Variants in NR2F1-AS1 observed in about 807,000 individuals in gnomAD.
NR2F1-AS1 encodes the protein NR2F1 regulatory antisense RNA 1, also known as NR2F1 antisense RNA 1.
chr5:93,540,697 G>A (rs1751932270), intron 4 of NR2F1-AS1, among the ~76,000 whole-genome samples: 1 of 152,118 alleles, frequency 6.6e-6, no homozygotes, highest in African/African-American at 2.4e-5. Flanking sequence ...TCCTAGAAAT[G>A]TGCAAGCCAA....
intron 4 of NR2F1-AS1, among the ~76,000 whole-genome samples, chr5:93,487,166 A>C (rs1363239907): frequency 1.3e-5 from 2 of 152,218 alleles, no homozygotes; most frequent in Non-Finnish European, 2.9e-5. Flanking sequence ...AGCTGGAAGC[A>C]TTCCCTTGGA....
chr5:93,490,487 G>T (rs1463323411), intron 4 of NR2F1-AS1, among the ~76,000 whole-genome samples: 1 of 151,530 alleles, frequency 6.6e-6, no homozygotes, highest in Non-Finnish European at 1.5e-5. Context: ...GGCGGTGGCA[G>T]TGGTGGTGGT....
chr5:93,512,452 T>G (rs1751318115), intron 4 of NR2F1-AS1, among the ~76,000 whole-genome samples: 1 of 152,194 alleles, frequency 6.6e-6, no homozygotes, highest in South Asian at 2.1e-4. Context: ...TTTATCAACT[T>G]TATTTAAAGT....
At chr5:93,490,747 G>A (rs974292716) in intron 4 of NR2F1-AS1, among the ~76,000 whole-genome samples, 2 of 151,402 alleles carry the variant, frequency 1.3e-5, no homozygotes, top group Non-Finnish European at 2.9e-5. Context: ...GGCATTGATG[G>A]TGGTTGTAGT....
At chr5:93,509,890 C>G (rs1751261495) in intron 4 of NR2F1-AS1, among the ~76,000 whole-genome samples, 1 of 151,268 alleles carries the variant, frequency 6.6e-6, no homozygotes, top group African/African-American at 2.4e-5. Context: ...GAGCTAAACC[C>G]AAGAGATCAA....
At chr5:93,448,782 A>G (rs1348242677) in intron 4 of NR2F1-AS1, among the ~76,000 whole-genome samples, 4 of 152,172 alleles carry the variant, frequency 2.6e-5, no homozygotes, top group African/African-American at 9.7e-5. Context: ...TGAGGTCTTC[A>G]GTTGACAGGC....
At chr5:93,515,875 T>G (rs1751391379) in intron 4 of NR2F1-AS1, among the ~76,000 whole-genome samples, 9 of 151,876 alleles carry the variant, frequency 5.9e-5, no homozygotes, top group Admixed American at 5.3e-4. Context: ...GGTAATAAAC[T>G]GAAAACAGAG....
chr5:93,526,642 T>A (rs1380071292), intron 4 of NR2F1-AS1, among the ~76,000 whole-genome samples: 1 of 152,188 alleles, frequency 6.6e-6, no homozygotes, highest in Non-Finnish European at 1.5e-5. Flanking sequence ...AAAAAGCTTA[T>A]CTACCACAAT....
chr5:93,418,761 T>TCACTTC (rs1749024926), intron 4 of NR2F1-AS1, among the ~76,000 whole-genome samples: 1 of 152,164 alleles, frequency 6.6e-6, no homozygotes, highest in Non-Finnish European at 1.5e-5. Flanking sequence ...CCTTTCACTT[T>TCACTTC]CACTTCCAAC....
chr5:93,491,273 C>A (rs1047720464), intron 4 of NR2F1-AS1, among the ~76,000 whole-genome samples: 1 of 142,394 alleles, frequency 7.0e-6, no homozygotes. Flanking sequence ...TGGTGGTGGT[C>A]ATGGTGGTGA....
At chr5:93,412,966 C>T (rs999405534) in intron 4 of NR2F1-AS1, among the ~76,000 whole-genome samples, 11 of 152,064 alleles carry the variant, frequency 7.2e-5, no homozygotes, top group African/African-American at 2.7e-4. Flanking sequence ...GTCCCTAATA[C>T]ACCTAATCTT....
chr5:93,476,468 T>C (rs1750486919), intron 4 of NR2F1-AS1, among the ~76,000 whole-genome samples: 1 of 152,174 alleles, frequency 6.6e-6, no homozygotes, highest in African/African-American at 2.4e-5. Flanking sequence ...CAGACCCTAA[T>C]TAAAAGAATT....
chr5:93,448,288 C>A (rs981055355), intron 4 of NR2F1-AS1, among the ~76,000 whole-genome samples: 1 of 152,070 alleles, frequency 6.6e-6, no homozygotes, highest in Non-Finnish European at 1.5e-5. Context: ...TTAATAAACC[C>A]AATAAGCTTT....
At chr5:93,454,312 G>T (rs1749900490) in intron 4 of NR2F1-AS1, among the ~76,000 whole-genome samples, 1 of 152,004 alleles carries the variant, frequency 6.6e-6, no homozygotes, top group Non-Finnish European at 1.5e-5. Flanking sequence ...TAAAATAAAA[G>T]AAAAAGATAA....
chr5:93,555,826 C>T (rs898514988), intron 2 of NR2F1-AS1, among the ~76,000 whole-genome samples: 1 of 152,054 alleles, frequency 6.6e-6, no homozygotes, highest in Admixed American at 6.5e-5. Flanking sequence ...TAAAAAGTGG[C>T]AGGAATTTGA....
chr5:93,488,295 A>T (rs1561464162), intron 4 of NR2F1-AS1, among the ~76,000 whole-genome samples: 1 of 152,166 alleles, frequency 6.6e-6, no homozygotes. Flanking sequence ...TCATCAGAGT[A>T]AACAGGCAAC....
intron 4 of NR2F1-AS1, among the ~76,000 whole-genome samples, chr5:93,463,157 C>A (rs1471862033): frequency 6.6e-6 from 1 of 152,232 alleles, no homozygotes; most frequent in African/African-American, 2.4e-5. Flanking sequence ...GGGCCATGCA[C>A]AGGGCCCCCC....
intron 4 of NR2F1-AS1, among the ~76,000 whole-genome samples, chr5:93,457,156 T>C (rs1398005335): frequency 6.6e-6 from 1 of 152,146 alleles, no homozygotes; most frequent in Non-Finnish European, 1.5e-5. Context: ...GCACAGACCC[T>C]TTACGGGTGT....
intron 4 of NR2F1-AS1, among the ~76,000 whole-genome samples, chr5:93,537,238 G>T (rs1751857896): frequency 6.6e-6 from 1 of 152,140 alleles, no homozygotes; most frequent in Non-Finnish European, 1.5e-5. Flanking sequence ...ATGGCATTGG[G>T]CTGGACAGGA....
Sources: allele counts gnomAD v4.1 joint callset (sites outside exome capture counted in the v4.1 genomes callset), GRCh38; gene constraint gnomAD v4.1.1; transcripts MANE v1.5; gene names NCBI Gene and HGNC (gene_info 2026-07-23, HGNC 2026-07-21).